Variants in NRCAM observed in about 807,000 individuals in gnomAD.
NRCAM encodes the protein NgCAM-related cell adhesion molecule.
Under a neutral mutation model 156.5 loss-of-function variants are expected in NRCAM, and 83 were observed. That is an observed-to-expected ratio of 0.53 (90% CI 0.44 to 0.64). NRCAM has a LOEUF of 0.64. Among genes scored for constraint, NRCAM ranks in the 30% least tolerant of loss-of-function variants. The pLI is 0.00. For synonymous variants in NRCAM, 538 were observed against 563.9 expected (o/e 0.95, Z 0.65); for missense variants, 1,417 against 1,597.3 (o/e 0.89, Z 1.92).
Position 108,149,881 on chromosome 7 carries a change from A to T in NRCAM, c.*29T>A, listed in dbSNP as rs984187913. 6.4e-7 allele frequency: 1 copy of T among 1,564,622 alleles called. No homozygotes were observed. Among genetic ancestry groups the T allele is most frequent in the Admixed American group, 1.8e-5 (1 of 56,732 alleles). On this transcript the variant is annotated 3_prime_UTR_variant, in exon 33 of 33. Transcript: ENST00000379028. ...AGTGCTTAGGATAAACATTCTAGAG[A>T]AATGGAATATTGGCAAAGAGCTTAA... is the stretch of plus-strand genomic sequence containing the variant.
At chr7:108,188,787 T>G (rs982945715) in intron 20 of NRCAM, among the ~76,000 whole-genome samples, 3 of 21,776 alleles carry the variant, frequency 1.4e-4, no homozygotes, top group South Asian at 3.8e-3. Context: ...CAACACAAGA[T>G]AGAGGAGGGG....
intron 2 of NRCAM, among the ~76,000 whole-genome samples, chr7:108,326,599 T>C (rs1371553488): frequency 4.6e-5 from 7 of 152,296 alleles, no homozygotes; most frequent in Admixed American, 4.6e-4. Flanking sequence ...CATAGTCACT[T>C]GAAGAGCAAG....
chr7:108,163,403 G>A (rs886431933), intron 30 of NRCAM, among the ~76,000 whole-genome samples: 1 of 152,170 alleles, frequency 6.6e-6, no homozygotes, highest in Non-Finnish European at 1.5e-5. Flanking sequence ...AATCAACACA[G>A]AAGAGAGACA....
rs764581894 is a variant in NRCAM at position 108,194,041 on chromosome 7, T to C, written c.1761A>G (p.Glu587=). The C allele has an allele frequency of 7.4e-6, 12 of 1,614,018 alleles. No individual in the cohort carries two copies. In the South Asian group the frequency reaches 1.2e-4, roughly 16 times the overall value. Residue 587 remains glutamate (E), a synonymous_variant, in exon 17 of 33, where the codon GAA becomes GAG. Coordinates refer to ENST00000379028, the MANE Select transcript of NRCAM (RefSeq NM_001037132.4). ...LTVLWLKDNR[E]LPSDERFTVD... The stretch of plus-strand genomic sequence containing the variant: ...TCAAATACCTTTCATCACTGGGCAG[T>C]TCCCTGTTGTCCTTCAGCCACAGGA...
At chr7:108,394,042 C>T (rs1486108160) in intron 2 of NRCAM, among the ~76,000 whole-genome samples, 1 of 152,212 alleles carries the variant, frequency 6.6e-6, no homozygotes, top group Non-Finnish European at 1.5e-5. Flanking sequence ...ACAAAAGCCT[C>T]AGCCAACCTT....
chr7:108,416,294 G>T (rs1408223543), intron 1 of NRCAM, among the ~76,000 whole-genome samples: 2 of 152,196 alleles, frequency 1.3e-5, no homozygotes, highest in South Asian at 4.1e-4. Context: ...TAGTATCATA[G>T]TGTCTATTTT....
At chr7:108,299,133 A>AG (rs1563164557) in intron 3 of NRCAM, among the ~76,000 whole-genome samples, 4 of 104,990 alleles carry the variant, frequency 3.8e-5, no homozygotes, top group African/African-American at 1.5e-4. Flanking sequence ...AAAGAAAGAA[A>AG]GAAAGAAAAG....
intron 2 of NRCAM, among the ~76,000 whole-genome samples, chr7:108,368,410 C>A (rs1018178151): frequency 7.9e-5 from 12 of 152,064 alleles, no homozygotes; most frequent in African/African-American, 2.7e-4. Context: ...AATACATACA[C>A]ACGCATACAT....
intron 2 of NRCAM, among the ~76,000 whole-genome samples, chr7:108,394,107 G>A (rs1247691585): frequency 6.6e-6 from 1 of 152,092 alleles, no homozygotes; most frequent in South Asian, 2.1e-4. Context: ...TTCCCAAGTC[G>A]ACCACTCATT....
intron 3 of NRCAM, among the ~76,000 whole-genome samples, chr7:108,294,238 G>A (rs1302208735): frequency 8.4e-6 from 1 of 118,790 alleles, no homozygotes; most frequent in East Asian, 2.8e-4. Flanking sequence ...TGAGACAGCA[G>A]CTCTTGAGTG....
At chr7:108,256,423 C>G (rs1303489065) in intron 3 of NRCAM, among the ~76,000 whole-genome samples, 1 of 149,388 alleles carries the variant, frequency 6.7e-6, no homozygotes, top group African/African-American at 2.5e-5. Flanking sequence ...TGCTTGAAGG[C>G]AGCATGCTCG....
chr7:108,191,730 A>C lies in NRCAM; in HGVS notation c.1902T>G (p.Val634=). The change falls in exon 18 of 33, where the codon GTT becomes GTG. Residue 634 remains valine (V), a splice_region_variant and synonymous_variant. Transcript: ENST00000379028. ...SVSASAVLSV[V]APTPTPAPVY... ...TGCTATTTTTGTTTTCGTTCTTACCAACAACGCTAAGCACAGCGCTGGCGG... is the reference window on the plus strand; with the variant it reads ...TGCTATTTTTGTTTTCGTTCTTACCCACAACGCTAAGCACAGCGCTGGCGG... The C allele has an allele frequency of 6.3e-7, 1 of 1,596,512 alleles. No homozygotes were observed. The highest frequency in any genetic ancestry group is 8.6e-7 in the Non-Finnish European group (1 of 1,168,476).
chr7:108,410,917 C>T (rs186143227), intron 1 of NRCAM, among the ~76,000 whole-genome samples: 3 of 152,316 alleles, frequency 2.0e-5, no homozygotes, highest in Admixed American at 1.3e-4. Flanking sequence ...GTTTATATAA[C>T]ATCTTTCGTA....
At chr7:108,156,775 G>C (rs945821676) in intron 32 of NRCAM, 1 of 152,060 alleles carries the variant, frequency 6.6e-6, no homozygotes, top group Non-Finnish European at 1.5e-5. Context: ...AAATAATACA[G>C]AGCTCAAAAC....
chr7:108,160,195 G>T (rs2048051494), intron 31 of NRCAM, among the ~76,000 whole-genome samples, 166 bp downstream of exon 31: 1 of 152,104 alleles, frequency 6.6e-6, no homozygotes, highest in Non-Finnish European at 1.5e-5. Flanking sequence ...ACAATGTTTA[G>T]ATTGCCATTA....
chr7:108,303,329 G>A (rs558666380), intron 3 of NRCAM, among the ~76,000 whole-genome samples: 121 of 152,218 alleles, frequency 7.9e-4, no homozygotes, highest in Non-Finnish European at 1.5e-3. Context: ...GCAGAGATCA[G>A]GCCTTGCTCT....
chr7:108,292,871 A>C (rs1248675569), intron 3 of NRCAM, among the ~76,000 whole-genome samples: 2 of 152,220 alleles, frequency 1.3e-5, no homozygotes, highest in African/African-American at 4.8e-5. Flanking sequence ...AGCACAAATG[A>C]ATAGCTAAAT....
At chr7:108,452,196 A>T (rs1345979474) in intron 1 of NRCAM, among the ~76,000 whole-genome samples, 1 of 152,180 alleles carries the variant, frequency 6.6e-6, no homozygotes, top group Non-Finnish European at 1.5e-5. Flanking sequence ...TCATAGAAGC[A>T]GAGAGTAGAA....
At position 108,163,379 on chromosome 7, in the gene NRCAM, C is replaced by T. The variant is rs188920644; in HGVS notation, c.3467-2887G>A. On this transcript the variant is annotated intron_variant, in intron 30 of 32. Coordinates refer to ENST00000379028, the MANE Select transcript of NRCAM (RefSeq NM_001037132.4). ...GTCTCTGAGGAAAATGCTCTTGAGT[C>T]CTCAGAACCATAGAATCAACACAGA... Among the ~76,000 whole-genome samples the T allele has an allele frequency of 7.2e-5, 11 of 152,154 alleles. No homozygotes were observed. In the East Asian group the frequency reaches 1.9e-3, roughly 27 times the overall value.
Sources: gnomAD v4.1 joint callset for allele counts (sites outside exome capture counted in the v4.1 genomes callset) on GRCh38, gnomAD v4.1.1 for gene constraint, MANE v1.5 for transcripts, NCBI Gene and HGNC (gene_info 2026-07-23, HGNC 2026-07-21) for gene names.